TTC12: variants seen among roughly 807,000 people sequenced by gnomAD.
TTC12 encodes the protein tetratricopeptide repeat domain 12.
A neutral mutation model predicts 90.1 loss-of-function variants in TTC12; 70 were observed. The ratio of observed to expected loss-of-function variants is 0.78; its 90% CI spans 0.64 to 0.95. TTC12 has a LOEUF of 0.95. TTC12 is among the 40% of genes least tolerant of loss of function. TTC12 has a pLI of 0.00. For missense variants in TTC12, 819 were observed against 846.1 expected (o/e 0.97, Z 0.40); for synonymous variants, 296 against 311.5 (o/e 0.95, Z 0.53).
chr11:113,368,262 G>A (rs1950277552), downstream of TTC12: 10 of 1,527,342 alleles, frequency 6.5e-6, no homozygotes, highest in Non-Finnish European at 8.8e-6. Context: ...CTCGCAGGTG[G>A]GAAGAGATGT....
chr11:113,365,009 T>G lies in TTC12; in HGVS notation c.1991T>G (p.Val664Gly), dbSNP rs1950131732. The stretch of plus-strand genomic sequence containing the variant: ...GGCAGTGACACACAGAAGACGGCCG[T>G]GCAGGTGAACGCAGGCATTGCTCTG... ...LAGSDTQKTA[V>G]QVNAGIALGK... Residue 664 changes from valine to glycine, a missense_variant, in exon 21 of 22, where the codon GTG becomes GGG. Physicochemically the swap from Val to Gly is moderately radical, Grantham distance 109. Transcript: ENST00000529221. 1 of 1,614,156 alleles carries G rather than the reference T, an allele frequency of 6.2e-7. No homozygotes were observed.
intron 11 of TTC12, 88 bp from the exon 12 acceptor site, chr11:113,341,749 G>C: frequency 1.0e-6 from 1 of 983,258 alleles, no homozygotes; most frequent in Non-Finnish European, 1.6e-6. Flanking sequence ...TGTATTTGGT[G>C]AATCTAGGGG....
rs782580144 is a variant in TTC12, at chr11:113,340,701, T to C, written c.864T>C (p.Phe288=). 6.2e-7 allele frequency: 1 copy of C among 1,613,990 alleles called. No individual in the cohort carries two copies. The highest frequency in any genetic ancestry group is 1.3e-5 in the African/African-American group (1 of 74,924). The change falls in exon 11 of 22, where the codon TTT becomes TTC. Residue 288 remains phenylalanine, a synonymous_variant. Coordinates refer to ENST00000529221, the MANE Select transcript of TTC12 (RefSeq NM_017868.4). ...CTTTATTCAGAATGCACAATGGATT[T>C]AGTATCATCAGTGACAACGAGGTCA... is the stretch of plus-strand genomic sequence containing the variant. ...EQTLFRMHNG[F]SIISDNEVIR...
chr11:113,356,753 C>T (rs181129808), intron 16 of TTC12, among the ~76,000 whole-genome samples: 21 of 152,280 alleles, frequency 1.4e-4, no homozygotes, highest in African/African-American at 4.6e-4. Flanking sequence ...GAATATTGGC[C>T]TCCAGTCTCT....
At chr11:113,363,433 T>C (rs1234199740) in intron 19 of TTC12, among the ~76,000 whole-genome samples, 3 of 152,246 alleles carry the variant, frequency 2.0e-5, no homozygotes, top group Admixed American at 1.3e-4. Context: ...CATGCAGGAC[T>C]GTCAGCCTGA....
At chr11:113,338,886 C>G (rs1174754497) in intron 9 of TTC12, 52 bp downstream of exon 9, 1 of 1,539,542 alleles carries the variant, frequency 6.5e-7, no homozygotes, top group Non-Finnish European at 9.0e-7. Context: ...TCCCTCTGCC[C>G]CCTGCCTTAG....
intron 6 of TTC12, among the ~76,000 whole-genome samples, chr11:113,329,172 G>A (rs1947874373): frequency 6.6e-6 from 1 of 152,154 alleles, no homozygotes; most frequent in South Asian, 2.1e-4. Context: ...GGGTCATATG[G>A]TAACATATTT....
rs148458408 is a variant in TTC12, at chr11:113,365,052, T to G, written c.2034T>G (p.Ala678=). 13 of 1,613,548 alleles carry G rather than the reference T, an allele frequency of 8.1e-6. No homozygotes were observed. In the African/African-American group the frequency reaches 1.6e-4, roughly 20 times the overall value. Residue 678 remains alanine (A), a synonymous_variant, in exon 21 of 22, where the codon GCT becomes GCG. Transcript: ENST00000529221. ...TTGCTCTGGGGAAGCTGTGCACAGCTGAGCCCAGGTATGCTGTGGACACGG... is the reference window on the plus strand; with the variant it reads ...TTGCTCTGGGGAAGCTGTGCACAGCGGAGCCCAGGTATGCTGTGGACACGG... The part of the protein sequence containing the change: ...AGIALGKLCT[A]EPRFAAQLRK...
chr11:113,360,108 A>G, intron 18 of TTC12, 100 bp downstream of exon 18: 1 of 584,852 alleles, frequency 1.7e-6, no homozygotes, highest in Non-Finnish European at 2.9e-6. Flanking sequence ...TGAAGTTGCC[A>G]CCTTTGAGAA....
intron 2 of TTC12, among the ~76,000 whole-genome samples, chr11:113,319,737 C>A (rs928887093): frequency 2.6e-5 from 4 of 151,174 alleles, no homozygotes; most frequent in African/African-American, 9.7e-5. Flanking sequence ...ATTATAAAGC[C>A]ATAGTAATCA....
rs952038918 is a variant in TTC12, at chr11:113,365,026, A to C, written c.2008A>C (p.Ile670Leu). 4.3e-6 allele frequency: 7 copies of C among 1,614,110 alleles called. No homozygotes were observed. Among genetic ancestry groups the C allele is most frequent in the African/African-American group, 1.3e-5 (1 of 75,032 alleles). ...QKTAVQVNAG[I>L]ALGKLCTAEP... is the part of the protein sequence containing the mutation. ...GACGGCCGTGCAGGTGAACGCAGGCATTGCTCTGGGGAAGCTGTGCACAGC... is the reference window on the plus strand; with the variant it reads ...GACGGCCGTGCAGGTGAACGCAGGCCTTGCTCTGGGGAAGCTGTGCACAGC... The change falls in exon 21 of 22, where the codon ATT (isoleucine) becomes CTT (leucine). Residue 670 changes from isoleucine (I) to leucine (L), a missense_variant. Coordinates refer to ENST00000529221, the MANE Select transcript of TTC12 (RefSeq NM_017868.4).
chr11:113,327,410 A>T lies in TTC12; in HGVS notation c.444+1765A>T, dbSNP rs969641027. On this transcript the variant is annotated intron_variant, in intron 6 of 21. Coordinates refer to ENST00000529221, the MANE Select transcript of TTC12 (RefSeq NM_017868.4). ...CTGTATGCATGCAGTGTCAGAAAAC[A>T]CTTAATAAGGACCCTGTAAATTGAG... Among the ~76,000 whole-genome samples the T allele has an allele frequency of 3.4e-5, 5 of 146,982 alleles. No homozygotes were observed. In the East Asian group the frequency reaches 1.2e-3, roughly 36 times the overall value.
chr11:113,352,580 A>G (rs1949369372), intron 16 of TTC12, among the ~76,000 whole-genome samples: 1 of 151,924 alleles, frequency 6.6e-6, no homozygotes, highest in African/African-American at 2.4e-5. Context: ...AGTACCTATT[A>G]TTTATTTTTC....
chr11:113,352,727 A>C (rs1949380246), intron 16 of TTC12, among the ~76,000 whole-genome samples: 1 of 152,108 alleles, frequency 6.6e-6, no homozygotes, highest in Non-Finnish European at 1.5e-5. Context: ...TCCTGCATTA[A>C]TCTGCAAAGG....
chr11:113,370,898 T>C (rs1444568555), downstream of TTC12, among the ~76,000 whole-genome samples: 1 of 152,134 alleles, frequency 6.6e-6, no homozygotes, highest in Non-Finnish European at 1.5e-5. Context: ...GGGCTTCTTA[T>C]CTTCAGCAGC....
At chr11:113,353,175 A>G (rs1949410571) in intron 16 of TTC12, among the ~76,000 whole-genome samples, 2 of 152,072 alleles carry the variant, frequency 1.3e-5, no homozygotes, top group African/African-American at 4.8e-5. Context: ...GACTTGTGTG[A>G]GATGGTATCT....
At chr11:113,359,881 T>G in intron 17 of TTC12, 59 bp from the exon 18 acceptor site, 3 of 1,404,224 alleles carry the variant, frequency 2.1e-6, no homozygotes, top group Non-Finnish European at 3.0e-6. Context: ...GAAGCTCCGC[T>G]GAGAATTCAG....
At chr11:113,358,396 C>T (rs1243145737) in intron 16 of TTC12, among the ~76,000 whole-genome samples, 5 of 152,128 alleles carry the variant, frequency 3.3e-5, no homozygotes, top group African/African-American at 1.2e-4. Flanking sequence ...TGCTGGTGCT[C>T]TCCACTGGTC....
chr11:113,369,700 C>T (rs968104688), downstream of TTC12, among the ~76,000 whole-genome samples: 4 of 152,140 alleles, frequency 2.6e-5, no homozygotes, highest in Non-Finnish European at 5.9e-5. Flanking sequence ...CACCACATTT[C>T]TCAGAGCCCC....
Sources: allele counts gnomAD v4.1 joint callset (sites outside exome capture counted in the v4.1 genomes callset), GRCh38; gene constraint gnomAD v4.1.1; transcripts MANE v1.5; gene names NCBI Gene and HGNC (gene_info 2026-07-23, HGNC 2026-07-21).